SLC6A20: variants seen among roughly 807,000 people sequenced by gnomAD.
The protein encoded by SLC6A20 is sodium- and chloride-dependent transporter XTRP3.
In SLC6A20, 73 loss-of-function variants were observed where a neutral mutation model predicts 64.3. The ratio of observed to expected loss-of-function variants is 1.14; its 90% CI spans 0.94 to 1.38. The LOEUF is 1.38. Among genes scored for constraint, SLC6A20 ranks in the 40% most tolerant of loss-of-function variants. The pLI, the probability that SLC6A20 is intolerant of heterozygous loss-of-function variation, is 0.00. For synonymous variants in SLC6A20, 347 were observed against 329.6 expected (o/e 1.05, Z -0.57); for missense variants, 725 against 772.8 (o/e 0.94, Z 0.73).
intron 7 of SLC6A20, among the ~76,000 whole-genome samples, chr3:45,767,693 C>T (rs915578957): frequency 1.3e-5 from 2 of 152,164 alleles, no homozygotes; most frequent in African/African-American, 4.8e-5. Flanking sequence ...ATCCAGGAAG[C>T]CCAACCTCAC....
chr3:45,771,810 T>G, intron 5 of SLC6A20: 1 of 305,450 alleles, frequency 3.3e-6, no homozygotes. Context: ...TGCAATGGAA[T>G]ACTGCAGGGT....
At position 45,765,583 on chromosome 3, in the gene SLC6A20, TGTC is replaced by T; in HGVS notation, c.1254_1256del (p.Thr419del). 1 of 1,614,136 alleles carries T rather than the reference TGTC, an allele frequency of 6.2e-7. No homozygotes were observed. The highest frequency in any genetic ancestry group is 8.5e-7 in the Non-Finnish European group (1 of 1,180,016). On this transcript the variant is annotated inframe_deletion, in exon 8 of 11. Coordinates refer to ENST00000358525, the MANE Select transcript of SLC6A20 (RefSeq NM_020208.4). This position sits in a 1 kb window ranked among gnomAD's most constrained non-coding sequence, Gnocchi z 4.2. ...GGTGGCTGGAGATGATCTTGCTGTC[TGTC>T]AGAGGGGTGAGGATGGCCGCTGTGT... is the stretch of plus-strand genomic sequence containing the variant.
At chr3:45,772,813 C>T (rs891354730) in intron 4 of SLC6A20, among the ~76,000 whole-genome samples, 198 bp from the exon 5 acceptor site, 2 of 152,068 alleles carry the variant, frequency 1.3e-5, no homozygotes, top group Admixed American at 6.5e-5. Flanking sequence ...GATGTGGTTG[C>T]TCACAGCTGT....
At chr3:45,792,523 G>T (rs569483856) in intron 1 of SLC6A20, among the ~76,000 whole-genome samples, 21 of 152,304 alleles carry the variant, frequency 1.4e-4, no homozygotes, top group African/African-American at 5.1e-4. Flanking sequence ...GAAAACTTGG[G>T]TGAGCAGCAG....
At chr3:45,769,991 A>C (rs1699832789) in intron 7 of SLC6A20, among the ~76,000 whole-genome samples, 1 of 152,266 alleles carries the variant, frequency 6.6e-6, no homozygotes. Context: ...GAGAAAGGAC[A>C]GAGAGGTCCG....
chr3:45,762,802 A>G, intron 9 of SLC6A20, 111 bp downstream of exon 9: 1 of 1,406,214 alleles, frequency 7.1e-7, no homozygotes, highest in Non-Finnish European at 9.8e-7. Context: ...CATGATGCGA[A>G]GCTTAAAGAA....
chr3:45,759,040 C>T lies in SLC6A20; in HGVS notation c.1717G>A (p.Ala573Thr), dbSNP rs749358837. ...CGCTGAACAAAAGTCCCCAGGGCCG[C>T]CAGGGGGATGCACATGGTGGAGGAG... ...VASSTMCIPLAALGTFVQRRL... is the reference protein window; with the variant it reads ...VASSTMCIPLTALGTFVQRRL... The change falls in exon 11 of 11, where the codon GCG becomes ACG. Residue 573 changes from alanine to threonine, a missense_variant. By Grantham distance (58) the Ala-to-Thr change is moderately conservative. Transcript: ENST00000358525. 3 of 1,612,556 alleles carry T rather than the reference C, an allele frequency of 1.9e-6. No homozygotes were observed. In the South Asian group the frequency reaches 3.3e-5, roughly 18 times the overall value.
At chr3:45,789,059 T>C (rs1431493254) in intron 1 of SLC6A20, among the ~76,000 whole-genome samples, 1 of 152,198 alleles carries the variant, frequency 6.6e-6, no homozygotes, top group Non-Finnish European at 1.5e-5. Context: ...TCCTAGATTA[T>C]ATCAACAAAA....
chr3:45,775,827 C>G lies in SLC6A20; in HGVS notation c.516G>C (p.Leu172=). 6.2e-7 allele frequency: 1 copy of G among 1,614,136 alleles called. No individual in the cohort carries two copies. The change falls in exon 4 of 11, where the codon CTG becomes CTC. Residue 172 remains leucine, a synonymous_variant. Transcript: ENST00000358525. Reference sequence around the variant, plus strand: ...CCACCAGCCAGGCCAGGAGGAGGCACAGCGCCGGCTCCCACTGCACACCCC... The same window carrying G: ...CCACCAGCCAGGCCAGGAGGAGGCAGAGCGCCGGCTCCCACTGCACACCCC... ...ENGGVQWEPA[L]CLLLAWLVVY...
intron 3 of SLC6A20, among the ~76,000 whole-genome samples, chr3:45,776,316 C>G (rs182437492): frequency 6.6e-6 from 1 of 152,118 alleles, no homozygotes; most frequent in African/African-American, 2.4e-5. Context: ...GATGGAACTC[C>G]GACCCACGGC....
chr3:45,758,732 A>G lies in SLC6A20; in HGVS notation c.*246T>C. 3.9e-6 allele frequency: 5 copies of G among 1,281,354 alleles called. No homozygotes were observed. Among genetic ancestry groups the G allele is most frequent in the Non-Finnish European group, 4.9e-6 (5 of 1,014,832 alleles). The allele number at this position is 1,281,354 out of a possible 1,614,324, so 79.4% of individuals were successfully genotyped here. On this transcript the variant is annotated 3_prime_UTR_variant, in exon 11 of 11. Transcript: ENST00000358525. ...GGAATGAAGGATGCAGTTATCTTTG[A>G]GACCGGCTTTCATAGCCCACCCCCT...
intron 4 of SLC6A20, among the ~76,000 whole-genome samples, chr3:45,774,464 G>C (rs1256183656): frequency 1.3e-5 from 2 of 152,180 alleles, no homozygotes; most frequent in Non-Finnish European, 1.5e-5. Context: ...GTGGGCTGCT[G>C]CAGGTTCTAA....
intron 9 of SLC6A20, among the ~76,000 whole-genome samples, chr3:45,762,631 C>T (rs1699703368): frequency 6.6e-6 from 1 of 152,226 alleles, no homozygotes; most frequent in South Asian, 2.1e-4. Context: ...ATTCCCTGCC[C>T]CAGTAAGCTG....
intron 4 of SLC6A20, 136 bp downstream of exon 4, chr3:45,775,625 C>A (rs1699951328): frequency 3.9e-6 from 3 of 776,146 alleles, no homozygotes; most frequent in Admixed American, 5.3e-5. Flanking sequence ...TGCCCTCTGC[C>A]CTAACATAGC....
chr3:45,792,586 A>T (rs1222334267), intron 1 of SLC6A20, among the ~76,000 whole-genome samples: 2 of 152,212 alleles, frequency 1.3e-5, no homozygotes, highest in African/African-American at 2.4e-5. Flanking sequence ...CCCACTTTAC[A>T]GGTAAACAGC....
At chr3:45,768,645 C>T (rs59668978) in intron 7 of SLC6A20, among the ~76,000 whole-genome samples, 1 of 152,158 alleles carries the variant, frequency 6.6e-6, no homozygotes, top group Non-Finnish European at 1.5e-5. Flanking sequence ...AAAGCATTGT[C>T]CCACCCATGA....
intron 1 of SLC6A20, among the ~76,000 whole-genome samples, chr3:45,793,374 A>G (rs1700289540): frequency 6.6e-6 from 1 of 152,188 alleles, no homozygotes. Flanking sequence ...GTGCACACAC[A>G]CTTGCATCCC....
intron 1 of SLC6A20, among the ~76,000 whole-genome samples, chr3:45,788,450 A>G (rs1700202638): frequency 6.6e-6 from 1 of 152,212 alleles, no homozygotes; most frequent in African/African-American, 2.4e-5. Flanking sequence ...ACTGGTAGAA[A>G]AGTACAATCA....
At position 45,755,781 on chromosome 3, in the gene SLC6A20, A is replaced by C. The variant is rs1178309413; in HGVS notation, c.*3197T>G. 6.5e-6 allele frequency: 1 copy of C among 152,762 alleles called. No homozygotes were observed. Among genetic ancestry groups the C allele is most frequent in the Non-Finnish European group, 1.5e-5 (1 of 68,030 alleles). 9.5% of individuals were successfully genotyped at this position (152,762 alleles called of 1,614,324 possible). The stretch of plus-strand genomic sequence containing the variant: ...ATTCTTGAGAAATGTTCTGCTCTTC[A>C]TGAAATTCACAGAAACGAGACATTT... On this transcript the variant is annotated 3_prime_UTR_variant, in exon 11 of 11. Transcript: ENST00000358525.
Sources: gnomAD v4.1 joint callset for allele counts (sites outside exome capture counted in the v4.1 genomes callset) on GRCh38, gnomAD v4.1.1 for gene constraint, Gnocchi (gnomAD v3.1) non-coding constraint, MANE v1.5 for transcripts, NCBI Gene and HGNC (gene_info 2026-07-23, HGNC 2026-07-21) for gene names.